The following SRGAP2 variants were observed in gnomAD, a reference collection of about 807,000 sequenced individuals.
The protein encoded by SRGAP2 is SLIT-ROBO Rho GTPase-activating protein 2.
SRGAP2 carries 15 observed loss-of-function variants against 57.2 expected under a neutral mutation model. The observed-to-expected ratio is 0.26, with a 90% CI of 0.18 to 0.40. SRGAP2 has a LOEUF of 0.40. SRGAP2 is among the 10% of genes least tolerant of loss of function. SRGAP2 has a pLI of 1.00. For synonymous variants in SRGAP2, 249 were observed against 248.0 expected (o/e 1.00, Z -0.04); for missense variants, 520 against 669.6 (o/e 0.78, Z 2.47).
At chr1:206,444,744 C>T (rs782048490) in intron 17 of SRGAP2, among the ~76,000 whole-genome samples, 1 of 152,206 alleles carries the variant, frequency 6.6e-6, no homozygotes. Flanking sequence ...TCTTTGAACT[C>T]AGGATCCGGG....
chr1:206,287,094 A>G (rs1671070884), intron 2 of SRGAP2, among the ~76,000 whole-genome samples: 1 of 152,212 alleles, frequency 6.6e-6, no homozygotes, highest in Non-Finnish European at 1.5e-5. Flanking sequence ...CTCATTTTGA[A>G]GGTGGAGCTG....
intron 3 of SRGAP2, among the ~76,000 whole-genome samples, chr1:206,322,441 G>A (rs74404820): frequency 6.6e-6 from 1 of 151,936 alleles, no homozygotes; most frequent in Non-Finnish European, 1.5e-5. Flanking sequence ...TTAGCCGGGC[G>A]TGGTGGCAGG....
At chr1:206,396,969 TAA>T (rs1346625697) in intron 7 of SRGAP2, among the ~76,000 whole-genome samples, 1 of 148,832 alleles carries the variant, frequency 6.7e-6, no homozygotes, top group Non-Finnish European at 1.5e-5. Flanking sequence ...TAACTAAACT[TAA>T]GTGTTACAGT....
intron 4 of SRGAP2, among the ~76,000 whole-genome samples, chr1:206,344,141 A>G (rs1675439465): frequency 6.6e-6 from 1 of 150,748 alleles, no homozygotes; most frequent in African/African-American, 2.4e-5. Flanking sequence ...TGGAATTAAT[A>G]CCCCATTTTT....
chr1:206,430,959 A>G (rs116961694), intron 14 of SRGAP2, among the ~76,000 whole-genome samples: 1,922 of 152,346 alleles, frequency 0.013, 24 homozygotes, highest in South Asian at 0.027. Flanking sequence ...CTAGGAACTG[A>G]GCATCAGAAA....
intron 2 of SRGAP2, among the ~76,000 whole-genome samples, chr1:206,258,373 T>C (rs542144221): frequency 2.0e-5 from 3 of 152,234 alleles, no homozygotes; most frequent in African/African-American, 4.8e-5. Context: ...AAGTTTACTA[T>C]CCCTGAATTA....
chr1:206,427,977 C>T (rs1026207715), intron 13 of SRGAP2, among the ~76,000 whole-genome samples: 1 of 152,234 alleles, frequency 6.6e-6, no homozygotes, highest in South Asian at 2.1e-4. Context: ...GTCTGGGTAC[C>T]TGTAGTTCCA....
intron 3 of SRGAP2, among the ~76,000 whole-genome samples, chr1:206,332,986 C>T (rs879976497): frequency 0.031 from 4,671 of 150,948 alleles, 52 homozygotes; most frequent in Middle Eastern, 0.051. Flanking sequence ...GATGGGTTTT[C>T]GGTGTGGATG....
chr1:206,448,205 G>A (rs1169685740), intron 18 of SRGAP2, among the ~76,000 whole-genome samples: 1 of 152,166 alleles, frequency 6.6e-6, no homozygotes, highest in East Asian at 1.9e-4. Context: ...GCACTAAGAA[G>A]AGAATGGAGA....
chr1:206,326,610 C>T (rs1384837113), intron 3 of SRGAP2, among the ~76,000 whole-genome samples: 1 of 152,192 alleles, frequency 6.6e-6, no homozygotes, highest in Non-Finnish European at 1.5e-5. Flanking sequence ...GGATTCTTGC[C>T]CTGCTCCACC....
At chr1:206,290,732 T>C (rs1324526011) in intron 2 of SRGAP2, among the ~76,000 whole-genome samples, 3 of 151,714 alleles carry the variant, frequency 2.0e-5, no homozygotes, top group Non-Finnish European at 2.9e-5. Context: ...TTTATAAATA[T>C]TAACTCATAA....
intron 11 of SRGAP2, among the ~76,000 whole-genome samples, chr1:206,418,949 C>G (rs1553363277): frequency 6.9e-6 from 1 of 145,844 alleles, no homozygotes. Flanking sequence ...TACTCAGGAG[C>G]AAGTAAACTT....
At chr1:206,310,693 C>T (rs1446481038) in intron 3 of SRGAP2, among the ~76,000 whole-genome samples, 1 of 152,150 alleles carries the variant, frequency 6.6e-6, no homozygotes, top group African/African-American at 2.4e-5. Flanking sequence ...GTGTGCACAG[C>T]ACAAGCATTG....
At chr1:206,269,137 A>G (rs1558267291) in intron 2 of SRGAP2, among the ~76,000 whole-genome samples, 1 of 149,950 alleles carries the variant, frequency 6.7e-6, no homozygotes, top group South Asian at 2.1e-4. Context: ...AATACTACGT[A>G]TATAATGAGA....
chr1:206,220,945 CTT>C (rs781891456), intron 2 of SRGAP2, among the ~76,000 whole-genome samples: 24 of 121,324 alleles, frequency 2.0e-4, no homozygotes, highest in Admixed American at 2.4e-4. Flanking sequence ...TGTATGTTGT[CTT>C]TTTTTTTTTT....
intron 3 of SRGAP2, among the ~76,000 whole-genome samples, chr1:206,306,369 C>T (rs1439680278): frequency 1.3e-5 from 2 of 151,650 alleles, no homozygotes; most frequent in Non-Finnish European, 1.5e-5. Flanking sequence ...CTTAAGGCAG[C>T]GCGTCTGGAG....
chr1:206,377,408 C>G (rs1460361537), intron 4 of SRGAP2, among the ~76,000 whole-genome samples: 1 of 150,766 alleles, frequency 6.6e-6, no homozygotes, highest in Non-Finnish European at 1.5e-5. Flanking sequence ...CCTGAAATAT[C>G]CATTAGTAAC....
In SRGAP2 at chr1:206,314,113, T is replaced by TG. The variant is rs1319609797; in HGVS notation, c.260+10640_260+10641insG. Among the ~76,000 whole-genome samples, 639 of 150,484 alleles carry TG rather than the reference T, an allele frequency of 4.2e-3. 3 individuals are homozygous for TG. The highest frequency in any genetic ancestry group is 0.011 in the African/African-American group (452 of 40,388). The stretch of plus-strand genomic sequence containing the variant: ...GCTTTTTTGTTTTTTTTGTTTTTTT[T>TG]TTTTTGTTGTTGTTGTTGTTGTTGT... On this transcript the variant is annotated intron_variant, in intron 3 of 22. Transcript: ENST00000573034.
intron 11 of SRGAP2, among the ~76,000 whole-genome samples, chr1:206,417,709 C>G (rs1284899854): frequency 6.6e-6 from 1 of 151,972 alleles, no homozygotes; most frequent in Non-Finnish European, 1.5e-5. Context: ...TGTGAGCCAC[C>G]GGGCCCAGCA....
Sources: gnomAD v4.1 joint callset for allele counts (sites outside exome capture counted in the v4.1 genomes callset) on GRCh38, gnomAD v4.1.1 for gene constraint, MANE v1.5 for transcripts, NCBI Gene and HGNC (gene_info 2026-07-23, HGNC 2026-07-21) for gene names.